XPO7: variants seen among roughly 807,000 people sequenced by gnomAD.
XPO7 encodes the protein exportin-7.
In XPO7, 21 loss-of-function variants were observed where a neutral mutation model predicts 144.3. The observed-to-expected ratio is 0.15, with a 90% CI of 0.10 to 0.21. The LOEUF is 0.21. XPO7 is among the 10% of genes least tolerant of loss of function. XPO7 has a pLI of 1.00. For missense variants in XPO7, 808 were observed against 1,325.8 expected (o/e 0.61, Z 6.06); for synonymous variants, 580 against 499.6 (o/e 1.16, Z -2.15).
At chr8:22,001,377 C>CA (rs999699001) in intron 24 of XPO7, among the ~76,000 whole-genome samples, 1 of 151,974 alleles carries the variant, frequency 6.6e-6, no homozygotes, top group African/African-American at 2.4e-5. Flanking sequence ...CCGTAGGAAT[C>CA]AGAGACTTGT....
At chr8:22,003,675 A>T (rs1197519623) in intron 26 of XPO7, among the ~76,000 whole-genome samples, 2 of 152,244 alleles carry the variant, frequency 1.3e-5, no homozygotes, top group African/African-American at 4.8e-5. Flanking sequence ...GGTCTGGATA[A>T]GATGACCCTT....
At chr8:21,998,641 G>A (rs895117622) in intron 21 of XPO7, 114 bp from the exon 22 acceptor site, 30 of 771,596 alleles carry the variant, frequency 3.9e-5, no homozygotes, top group Non-Finnish European at 5.7e-5. Context: ...ATAGGCAATT[G>A]CTTACCTTAA....
chr8:21,947,310 A>G (rs1207644370), intron 1 of XPO7, among the ~76,000 whole-genome samples: 2 of 152,222 alleles, frequency 1.3e-5, no homozygotes, highest in East Asian at 3.8e-4. Flanking sequence ...TTTTTAGAAT[A>G]TGTGATAACT....
chr8:21,987,305 GTTCTCAC>G (rs1180018588), intron 14 of XPO7, 29 bp downstream of exon 14: 4 of 1,613,372 alleles, frequency 2.5e-6, no homozygotes, highest in Non-Finnish European at 3.4e-6. Flanking sequence ...GCTCCCCTTA[GTTCTCAC>G]TTCTCACTTG....
intron 5 of XPO7, 151 bp downstream of exon 5, chr8:21,972,092 G>C: frequency 1.6e-6 from 1 of 612,798 alleles, no homozygotes; most frequent in Middle Eastern, 2.7e-4. Flanking sequence ...GTTCCATTGG[G>C]TTTTCCTCTG....
chr8:21,982,784 C>A lies in XPO7; in HGVS notation c.1249C>A (p.Arg417=). The change falls in exon 11 of 28, where the codon CGG becomes AGG. Residue 417 remains arginine, a synonymous_variant. Transcript: ENST00000252512. ...GGTCACCAAAGCCTACATCACATCC[C>A]GGTTGGAATCTGTGCACATCATACT... ...PEVTKAYITS[R]LESVHIILRD... The A allele has an allele frequency of 6.2e-7, 1 of 1,612,300 alleles. No individual in the cohort carries two copies. Among genetic ancestry groups the A allele is most frequent in the African/African-American group, 1.3e-5 (1 of 74,944 alleles).
chr8:21,998,141 G>C (rs568557738), intron 21 of XPO7, among the ~76,000 whole-genome samples: 1 of 152,300 alleles, frequency 6.6e-6, no homozygotes, highest in South Asian at 2.1e-4. Context: ...GCGACGGGTA[G>C]AAAGTATACT....
chr8:21,974,595 C>A, intron 5 of XPO7, 75 bp from the exon 6 acceptor site: 1 of 980,318 alleles, frequency 1.0e-6, no homozygotes, highest in Non-Finnish European at 1.5e-6. Flanking sequence ...ATCCTTCTAG[C>A]TTATAGGAAG....
At chr8:21,957,260 G>A (rs1811567393) in intron 1 of XPO7, among the ~76,000 whole-genome samples, 1 of 152,082 alleles carries the variant, frequency 6.6e-6, no homozygotes, top group South Asian at 2.1e-4. Context: ...GACTGGCTTG[G>A]TGTCTCTCAG....
intron 1 of XPO7, among the ~76,000 whole-genome samples, chr8:21,958,280 A>T (rs1184661257): frequency 6.6e-6 from 1 of 152,006 alleles, no homozygotes; most frequent in Non-Finnish European, 1.5e-5. Flanking sequence ...ATACTGACCC[A>T]TTGCTCCTAG....
chr8:21,953,195 ACAGTTT>A (rs1811428662), intron 1 of XPO7, among the ~76,000 whole-genome samples: 1 of 152,128 alleles, frequency 6.6e-6, no homozygotes, highest in Non-Finnish European at 1.5e-5. Context: ...ATCATAAAGA[ACAGTTT>A]CACTGCCTTA....
At chr8:21,949,627 C>T (rs1343240344) in intron 1 of XPO7, among the ~76,000 whole-genome samples, 1 of 152,232 alleles carries the variant, frequency 6.6e-6, no homozygotes, top group Non-Finnish European at 1.5e-5. Context: ...CCACGTGGTT[C>T]ATGACTTTCT....
intron 4 of XPO7, among the ~76,000 whole-genome samples, chr8:21,970,957 A>T (rs2117333002): frequency 6.6e-6 from 1 of 152,190 alleles, no homozygotes; most frequent in South Asian, 2.1e-4. Flanking sequence ...CTCACCACTC[A>T]CTCACTGACT....
At chr8:21,963,891 C>T (rs984416543) in intron 1 of XPO7, among the ~76,000 whole-genome samples, 1 of 152,116 alleles carries the variant, frequency 6.6e-6, no homozygotes, top group East Asian at 1.9e-4. Flanking sequence ...CAAATCTCGC[C>T]TTATGTTGAA....
At chr8:21,998,940 C>G in intron 22 of XPO7, 103 bp downstream of exon 22, 1 of 1,471,722 alleles carries the variant, frequency 6.8e-7, no homozygotes, top group Non-Finnish European at 9.4e-7. Flanking sequence ...GGAGCCAGGA[C>G]AGCATTCGTA....
At chr8:21,947,924 C>T (rs563763770) in intron 1 of XPO7, among the ~76,000 whole-genome samples, 1 of 152,106 alleles carries the variant, frequency 6.6e-6, no homozygotes, top group South Asian at 2.1e-4. Flanking sequence ...ACTGATAGAA[C>T]TATAGGATAA....
intron 11 of XPO7, 44 bp from the exon 12 acceptor site, chr8:21,984,602 G>A (rs1268998055): frequency 6.5e-6 from 10 of 1,528,840 alleles, no homozygotes; most frequent in Admixed American, 2.0e-5. Context: ...CAAATCAGTA[G>A]TCATATTTTA....
intron 1 of XPO7, among the ~76,000 whole-genome samples, chr8:21,943,281 T>C (rs1811053874): frequency 6.6e-6 from 1 of 152,230 alleles, no homozygotes; most frequent in South Asian, 2.1e-4. Context: ...AATACGGCTT[T>C]CCCTGGCTTG....
intron 1 of XPO7, among the ~76,000 whole-genome samples, chr8:21,925,304 C>T (rs1563307307): frequency 6.6e-6 from 1 of 152,138 alleles, no homozygotes; most frequent in Non-Finnish European, 1.5e-5. Context: ...TGCATGCACA[C>T]AAGGACACAC....
Sources: allele counts gnomAD v4.1 joint callset (sites outside exome capture counted in the v4.1 genomes callset), GRCh38; gene constraint gnomAD v4.1.1; transcripts MANE v1.5; gene names NCBI Gene and HGNC (gene_info 2026-07-23, HGNC 2026-07-21).